The following ADGRL3 variants were observed in gnomAD, a reference collection of about 807,000 sequenced individuals.
ADGRL3 encodes the protein adhesion G protein-coupled receptor L3.
In ADGRL3, 62 loss-of-function variants were observed where a neutral mutation model predicts 153.5. That is an observed-to-expected ratio of 0.40 (90% CI 0.33 to 0.50). ADGRL3 has a LOEUF of 0.50. ADGRL3 is among the 20% of genes least tolerant of loss of function. The pLI, the probability that ADGRL3 is intolerant of heterozygous loss-of-function variation, is 0.47. For synonymous variants in ADGRL3, 710 were observed against 672.5 expected (o/e 1.06, Z -0.86); for missense variants, 1,641 against 1,859.4 (o/e 0.88, Z 2.16).
At chr4:61,876,845 G>T (rs1236163928) in intron 9 of ADGRL3, among the ~76,000 whole-genome samples, 1 of 150,488 alleles carries the variant, frequency 6.6e-6, no homozygotes, top group Non-Finnish European at 1.5e-5. Flanking sequence ...CCCTCGGGCT[G>T]CTCTGTCTAT....
chr4:62,017,956 T>C (rs2099220540), intron 21 of ADGRL3, among the ~76,000 whole-genome samples: 1 of 152,130 alleles, frequency 6.6e-6, no homozygotes, highest in African/African-American at 2.4e-5. Flanking sequence ...TGATCTTGGC[T>C]CACTGCAACC....
At chr4:61,871,853 C>G (rs934560153) in intron 9 of ADGRL3, among the ~76,000 whole-genome samples, 2 of 152,156 alleles carry the variant, frequency 1.3e-5, no homozygotes, top group African/African-American at 4.8e-5. Flanking sequence ...TCCCCTCTAC[C>G]TGAAATGATC....
At chr4:61,721,561 T>C (rs973049479) in intron 6 of ADGRL3, among the ~76,000 whole-genome samples, 10 of 152,154 alleles carry the variant, frequency 6.6e-5, no homozygotes, top group Admixed American at 5.9e-4. Flanking sequence ...CATCTCCCAG[T>C]CCACTGACTC....
At chr4:61,547,444 C>T (rs1398118337) in intron 4 of ADGRL3, among the ~76,000 whole-genome samples, 1 of 151,964 alleles carries the variant, frequency 6.6e-6, no homozygotes, top group African/African-American at 2.4e-5. Flanking sequence ...CAAGTAGGCA[C>T]CAATGTTTGT....
At chr4:61,267,029 T>A (rs1263639579) in intron 1 of ADGRL3, among the ~76,000 whole-genome samples, 2 of 151,774 alleles carry the variant, frequency 1.3e-5, no homozygotes, top group Non-Finnish European at 2.9e-5. Context: ...ATACTGAGCC[T>A]AATAGTAGGT....
intron 11 of ADGRL3, among the ~76,000 whole-genome samples, chr4:61,903,235 G>A (rs536024544): frequency 2.6e-5 from 4 of 152,216 alleles, no homozygotes; most frequent in Admixed American, 6.5e-5. Context: ...GCACCCATTA[G>A]TATTCCGTTG....
chr4:61,369,971 T>G (rs1008816165), intron 1 of ADGRL3, among the ~76,000 whole-genome samples: 2 of 152,086 alleles, frequency 1.3e-5, no homozygotes, highest in Non-Finnish European at 2.9e-5. Flanking sequence ...AGTGTATGTG[T>G]CAAGGAATTT....
intron 13 of ADGRL3, among the ~76,000 whole-genome samples, chr4:61,926,709 C>A (rs1301650885): frequency 6.6e-6 from 1 of 152,174 alleles, no homozygotes; most frequent in Non-Finnish European, 1.5e-5. Context: ...GGAATACACT[C>A]CACAAATATT....
chr4:61,840,697 C>G (rs1032214283), intron 9 of ADGRL3, among the ~76,000 whole-genome samples: 2 of 152,022 alleles, frequency 1.3e-5, no homozygotes, highest in African/African-American at 4.8e-5. Flanking sequence ...GAATTTTTCC[C>G]TAAAAGAGTA....
chr4:61,427,244 C>T (rs1298498369), intron 2 of ADGRL3: 1 of 152,658 alleles, frequency 6.6e-6, no homozygotes, highest in African/African-American at 2.4e-5. Flanking sequence ...TGCACCAGCT[C>T]TGCATATGAA....
intron 17 of ADGRL3, among the ~76,000 whole-genome samples, chr4:61,978,727 C>A (rs532701560): frequency 4.6e-4 from 70 of 152,226 alleles, no homozygotes; most frequent in African/African-American, 1.6e-3. Context: ...GTGGAGCTTC[C>A]TGGACTATTT....
intron 8 of ADGRL3, among the ~76,000 whole-genome samples, chr4:61,747,717 A>G (rs1182016273): frequency 6.7e-6 from 1 of 148,456 alleles, no homozygotes; most frequent in Non-Finnish European, 1.5e-5. Flanking sequence ...TCAAAATAAT[A>G]AGAGCTATCT....
intron 17 of ADGRL3, among the ~76,000 whole-genome samples, chr4:61,953,882 A>G (rs1431009310): frequency 6.6e-6 from 1 of 151,802 alleles, no homozygotes; most frequent in African/African-American, 2.4e-5. Flanking sequence ...TGGGTACACT[A>G]CTCCTTAGTT....
chr4:61,404,285 A>G (rs1276215200), intron 2 of ADGRL3, among the ~76,000 whole-genome samples: 1 of 152,058 alleles, frequency 6.6e-6, no homozygotes, highest in Non-Finnish European at 1.5e-5. Flanking sequence ...TATACAATAA[A>G]CCAATCTAAC....
intron 9 of ADGRL3, among the ~76,000 whole-genome samples, chr4:61,889,029 T>G (rs2098554868): frequency 1.3e-5 from 2 of 152,190 alleles, no homozygotes; most frequent in South Asian, 4.1e-4. Context: ...TTCTCTTATT[T>G]TGTGATGCTT....
At chr4:61,583,418 A>G (rs1272308926) in intron 4 of ADGRL3, among the ~76,000 whole-genome samples, 1 of 152,124 alleles carries the variant, frequency 6.6e-6, no homozygotes, top group Non-Finnish European at 1.5e-5. Flanking sequence ...AGGAAACAGA[A>G]TGACAAGAGG....
intron 8 of ADGRL3, among the ~76,000 whole-genome samples, chr4:61,781,069 G>A (rs1434797354): frequency 6.6e-6 from 1 of 152,160 alleles, no homozygotes; most frequent in Non-Finnish European, 1.5e-5. Context: ...GCTCACGCCT[G>A]TAATCCCAGT....
intron 1 of ADGRL3, among the ~76,000 whole-genome samples, chr4:61,378,225 G>A (rs1284988343): frequency 4.6e-5 from 7 of 151,912 alleles, no homozygotes; most frequent in African/African-American, 1.7e-4. Flanking sequence ...TTCCTAATTT[G>A]TTAAATGACT....
At chr4:61,423,236 G>A (rs190987358) in intron 2 of ADGRL3, among the ~76,000 whole-genome samples, 6 of 152,068 alleles carry the variant, frequency 3.9e-5, no homozygotes, top group Admixed American at 2.6e-4. Flanking sequence ...GTTGAGAGTC[G>A]ACTACCCAAA....
Sources: allele counts gnomAD v4.1 joint callset (sites outside exome capture counted in the v4.1 genomes callset), GRCh38; gene constraint gnomAD v4.1.1; transcripts MANE v1.5; gene names NCBI Gene and HGNC (gene_info 2026-07-23, HGNC 2026-07-21).